ROBO1: variants seen among roughly 807,000 people sequenced by gnomAD.
The protein encoded by ROBO1 is roundabout guidance receptor 1, also known as roundabout homolog 1.
A neutral mutation model predicts 195.9 loss-of-function variants in ROBO1; 149 were observed. That is an observed-to-expected ratio of 0.76 (90% confidence interval 0.67 to 0.87). ROBO1 has a LOEUF of 0.87. Among genes scored for constraint, ROBO1 ranks in the 40% least tolerant of loss-of-function variants. The pLI is 0.00. For missense variants in ROBO1, 1,933 were observed against 2,068.3 expected (o/e 0.93, Z 1.27); for synonymous variants, 816 against 733.2 (o/e 1.11, Z -1.82).
chr3:78,781,526 C>A (rs1249190724), intron 4 of ROBO1, among the ~76,000 whole-genome samples: 1 of 152,146 alleles, frequency 6.6e-6, no homozygotes, highest in Non-Finnish European at 1.5e-5. Context: ...AAAATCATTC[C>A]TCTAATCCCT....
intron 2 of ROBO1, among the ~76,000 whole-genome samples, chr3:79,528,634 AGTAAGTGT>A (rs1559966982): frequency 6.6e-6 from 1 of 152,208 alleles, no homozygotes; most frequent in Admixed American, 6.5e-5. Flanking sequence ...CCATGTCAAA[AGTAAGTGT>A]CTGTTGAAAT....
intron 2 of ROBO1, among the ~76,000 whole-genome samples, chr3:79,507,644 A>G (rs1940473251): frequency 6.6e-6 from 1 of 152,102 alleles, no homozygotes; most frequent in Non-Finnish European, 1.5e-5. Flanking sequence ...GTATATCCAC[A>G]TTTTACTTGG....
At chr3:78,742,375 G>C (rs943204285) in intron 5 of ROBO1, among the ~76,000 whole-genome samples, 3 of 151,734 alleles carry the variant, frequency 2.0e-5, no homozygotes, top group African/African-American at 7.3e-5. Flanking sequence ...CATGTTTTAA[G>C]AATTTATTTT....
intron 3 of ROBO1, among the ~76,000 whole-genome samples, chr3:79,090,265 G>A (rs2079454011): frequency 1.3e-5 from 2 of 151,872 alleles, no homozygotes; most frequent in African/African-American, 4.8e-5. Context: ...AAAACAGGTT[G>A]TTTTTACGTG....
At chr3:79,361,675 T>C (rs1010450585) in intron 2 of ROBO1, among the ~76,000 whole-genome samples, 1 of 152,084 alleles carries the variant, frequency 6.6e-6, no homozygotes, top group Non-Finnish European at 1.5e-5. Flanking sequence ...AAGAGTAATA[T>C]TCATTTGTTG....
intron 2 of ROBO1, among the ~76,000 whole-genome samples, chr3:79,556,460 C>T (rs1942702112): frequency 6.6e-6 from 1 of 152,038 alleles, no homozygotes; most frequent in South Asian, 2.1e-4. Context: ...ACTTGAGTCT[C>T]CTGAACCATA....
chr3:79,405,849 C>CA (rs1479987148), intron 2 of ROBO1, among the ~76,000 whole-genome samples: 2 of 151,804 alleles, frequency 1.3e-5, no homozygotes, highest in Non-Finnish European at 2.9e-5. Context: ...TTGTTTTCAA[C>CA]AAAAAATGTA....
chr3:78,773,986 G>C (rs1161375546), intron 4 of ROBO1, among the ~76,000 whole-genome samples: 1 of 152,122 alleles, frequency 6.6e-6, no homozygotes. Context: ...TTTAAATAAA[G>C]AAAATCATCT....
intron 1 of ROBO1, among the ~76,000 whole-genome samples, chr3:79,741,762 T>C (rs1268781149): frequency 6.6e-6 from 1 of 152,114 alleles, no homozygotes; most frequent in East Asian, 1.9e-4. Context: ...TCTTGTTAAA[T>C]GATTGTGACA....
chr3:79,507,121 T>G (rs557827194), intron 2 of ROBO1, among the ~76,000 whole-genome samples: 1 of 152,256 alleles, frequency 6.6e-6, no homozygotes, highest in African/African-American at 2.4e-5. Flanking sequence ...TGATTCCTAT[T>G]ATAATGCTTA....
chr3:79,481,425 G>A (rs1228135587), intron 2 of ROBO1, among the ~76,000 whole-genome samples: 1 of 152,130 alleles, frequency 6.6e-6, no homozygotes, highest in African/African-American at 2.4e-5. Context: ...CATCTGTAGA[G>A]ATGATTCTGT....
At chr3:79,113,069 G>C (rs1169612815) in intron 3 of ROBO1, among the ~76,000 whole-genome samples, 1 of 152,110 alleles carries the variant, frequency 6.6e-6, no homozygotes, top group Non-Finnish European at 1.5e-5. Flanking sequence ...TTAACTGAGG[G>C]AGAAGCCAGG....
At position 79,369,135 on chromosome 3, in the gene ROBO1, A is replaced by G. The variant is rs532918713; in HGVS notation, c.88+220689T>C. 2.6e-5 allele frequency among the ~76,000 whole-genome samples: 4 copies of G among 152,308 alleles called. No individual in the cohort carries two copies. The East Asian group carries it at 7.7e-4, about 29-fold the overall frequency. On this transcript the variant is annotated intron_variant, in intron 2 of 30. Coordinates refer to ENST00000464233, the MANE Select transcript of ROBO1 (RefSeq NM_002941.4). ...AAAATGAGAAAATATTGTTTTGTGT[A>G]TACATCATCAAAATGAACAATCTTA...
At chr3:79,334,356 A>G (rs2034579164) in intron 2 of ROBO1, among the ~76,000 whole-genome samples, 1 of 146,900 alleles carries the variant, frequency 6.8e-6, no homozygotes, top group South Asian at 2.1e-4. Context: ...ATATATGTAT[A>G]TATATATGTA....
At chr3:79,204,178 A>T (rs1423286385) in intron 2 of ROBO1, among the ~76,000 whole-genome samples, 1 of 152,166 alleles carries the variant, frequency 6.6e-6, no homozygotes, top group African/African-American at 2.4e-5. Context: ...AGTAACTGTG[A>T]TATTCATCAC....
intron 3 of ROBO1, among the ~76,000 whole-genome samples, chr3:79,059,710 A>T (rs1272582826): frequency 6.6e-6 from 1 of 152,066 alleles, no homozygotes; most frequent in African/African-American, 2.4e-5. Flanking sequence ...TCCCCAATCA[A>T]TACTCTTATA....
At chr3:78,612,483 G>C (rs375059764) in intron 28 of ROBO1, among the ~76,000 whole-genome samples, 1 of 152,008 alleles carries the variant, frequency 6.6e-6, no homozygotes, top group Non-Finnish European at 1.5e-5. Flanking sequence ...AATAATTTCC[G>C]AAAAAATGGC....
chr3:79,291,741 T>C (rs1472664211), intron 2 of ROBO1, among the ~76,000 whole-genome samples: 2 of 152,170 alleles, frequency 1.3e-5, no homozygotes, highest in South Asian at 2.1e-4. Context: ...CACTACCACA[T>C]ACCTTCAGAA....
chr3:78,607,260 T>C, intron 28 of ROBO1: 1 of 530,450 alleles, frequency 1.9e-6, no homozygotes, highest in Non-Finnish European at 3.3e-6. Context: ...TCATTCAGGC[T>C]ACAGTGCAGG....
Sources: allele counts gnomAD v4.1 joint callset (sites outside exome capture counted in the v4.1 genomes callset), GRCh38; gene constraint gnomAD v4.1.1; transcripts MANE v1.5; gene names NCBI Gene and HGNC (gene_info 2026-07-23, HGNC 2026-07-21).